USP28: variants seen among roughly 807,000 people sequenced by gnomAD.
USP28 encodes the protein ubiquitin carboxyl-terminal hydrolase 28.
USP28 carries 113 observed loss-of-function variants against 145.0 expected under a neutral mutation model. The ratio of observed to expected loss-of-function variants is 0.78; its 90% CI spans 0.67 to 0.91. The LOEUF (loss-of-function observed/expected upper bound fraction) is 0.91. USP28 is among the 40% of genes least tolerant of loss of function. The probability of loss-of-function intolerance (pLI) is 0.00; values close to 1 mark genes in which losing one functional copy is unlikely to be tolerated. For missense variants in USP28, 1,201 were observed against 1,289.6 expected, an observed-to-expected ratio of 0.93 and a Z score of 1.05; for synonymous variants, 447 against 450.9, an observed-to-expected ratio of 0.99 and a Z score of 0.11.
chr11:113,810,737 C>A (rs376352019), intron 16 of USP28, among the ~76,000 whole-genome samples: 1 of 152,214 alleles, frequency 6.6e-6, no homozygotes, highest in East Asian at 1.9e-4. Context: ...TGCAGTGGCA[C>A]GATCTCAGCT....
At chr11:113,806,127 G>C (rs536086419) in intron 19 of USP28, among the ~76,000 whole-genome samples, 1 of 152,046 alleles carries the variant, frequency 6.6e-6, no homozygotes, top group South Asian at 2.1e-4. Context: ...TAGTAGAGAT[G>C]GGGGTCTCAC....
chr11:113,851,353 C>T (rs1946421949), intron 3 of USP28, among the ~76,000 whole-genome samples: 1 of 152,216 alleles, frequency 6.6e-6, no homozygotes. Flanking sequence ...GATCCACCTC[C>T]TTCTCTTTCC....
chr11:113,813,987 T>TA (rs762577719), intron 14 of USP28, 32 bp from the exon 15 acceptor site: 1 of 1,512,196 alleles, frequency 6.6e-7, no homozygotes, highest in South Asian at 1.2e-5. Context: ...AAAGCTTCAC[T>TA]AAAATGATCT....
At chr11:113,804,116 G>C (rs1713671) in intron 21 of USP28, among the ~76,000 whole-genome samples, 2 of 152,016 alleles carry the variant, frequency 1.3e-5, no homozygotes, top group Non-Finnish European at 2.9e-5. Flanking sequence ...TATTTCCTAC[G>C]AGCTTCGGAT....
intron 5 of USP28, among the ~76,000 whole-genome samples, chr11:113,840,096 TG>T (rs1330933475): frequency 1.3e-5 from 2 of 152,202 alleles, no homozygotes; most frequent in East Asian, 3.8e-4. Flanking sequence ...CAGGGTCAAA[TG>T]GTACTATAAT....
chr11:113,804,967 T>A, exon 20 of USP28: 1 of 1,614,178 alleles, frequency 6.2e-7, no homozygotes, highest in Non-Finnish European at 8.5e-7. Context: ...GACAAGGACA[T>A]GCTGAAGTCG....
At chr11:113,839,324 C>T (rs745919325) in intron 5 of USP28, among the ~76,000 whole-genome samples, 1 of 152,176 alleles carries the variant, frequency 6.6e-6, no homozygotes, top group Non-Finnish European at 1.5e-5. Context: ...GTGGCTCAGG[C>T]CTGTAATCCC....
At position 113,813,968 on chromosome 11, in the gene USP28, A is replaced by G. The variant is rs761761482; in HGVS notation, c.1673-13T>C. 5 of 1,589,048 alleles carry G rather than the reference A, an allele frequency of 3.1e-6. No homozygotes were observed. The highest frequency in any genetic ancestry group is 4.3e-6 in the Non-Finnish European group (5 of 1,167,356). On this transcript the variant is annotated splice_polypyrimidine_tract_variant and intron_variant, in intron 14 of 24. Transcript: ENST00000003302. ...CAAGTCTTTAAATCTGTTTGGAAAAAGAAAAACAAAAGCTTCACTAAAATG... is the reference window on the plus strand; with the variant it reads ...CAAGTCTTTAAATCTGTTTGGAAAAGGAAAAACAAAAGCTTCACTAAAATG...
intron 1 of USP28, among the ~76,000 whole-genome samples, chr11:113,855,124 C>T (rs1946906054): frequency 3.9e-5 from 6 of 152,228 alleles, no homozygotes. Context: ...TTAAAAAGTA[C>T]AGCTAAAGCT....
intron 1 of USP28, chr11:113,874,652 A>T: frequency 7.9e-7 from 1 of 1,272,840 alleles, no homozygotes; most frequent in Non-Finnish European, 1.0e-6. Flanking sequence ...GGTGGTGTTA[A>T]GTTATAACAT....
At chr11:113,861,402 G>C (rs1947682023) in intron 1 of USP28, among the ~76,000 whole-genome samples, 1 of 152,162 alleles carries the variant, frequency 6.6e-6, no homozygotes, top group East Asian at 1.9e-4. Flanking sequence ...GCAAATGTCA[G>C]TACATGATGA....
At chr11:113,815,305 G>A in exon 14 of USP28, 2 of 1,614,102 alleles carry the variant, frequency 1.2e-6, no homozygotes, top group South Asian at 1.1e-5. Flanking sequence ...AGATGTCAGT[G>A]GTTTAGACTT....
At chr11:113,809,239 T>C in exon 17 of USP28, 5 of 1,613,990 alleles carry the variant, frequency 3.1e-6, no homozygotes, top group Non-Finnish European at 3.4e-6. Context: ...TTGATCTGAT[T>C]CAGTTGGGGC....
At chr11:113,831,776 T>G in intron 8 of USP28, 144 bp downstream of exon 8, 1 of 582,704 alleles carries the variant, frequency 1.7e-6, no homozygotes, top group Non-Finnish European at 2.9e-6. Flanking sequence ...CAGGGATACA[T>G]GATGAGGACT....
intron 3 of USP28, among the ~76,000 whole-genome samples, chr11:113,845,130 A>AC (rs1176822784): frequency 2.0e-5 from 3 of 150,936 alleles, no homozygotes; most frequent in Admixed American, 6.6e-5. Context: ...AAAAAAAAAA[A>AC]AACAACAAAA....
chr11:113,802,009 T>A lies in USP28; in HGVS notation c.2863-331A>T, dbSNP rs76922048. Among the ~76,000 whole-genome samples the A allele has an allele frequency of 1.4e-4, 21 of 152,334 alleles. No individual in the cohort carries two copies. The East Asian group carries it at 3.9e-3, about 28-fold the overall frequency. ...ACTGGTTGTCTATCTCCTCTGAGCA[T>A]CAGAATCACCTGCAGAAGACACACT... On this transcript the variant is annotated intron_variant, in intron 23 of 24. Coordinates refer to ENST00000003302, the Ensembl canonical transcript of USP28.
At chr11:113,872,730 G>C (rs1470176224) in intron 1 of USP28, among the ~76,000 whole-genome samples, 1 of 152,176 alleles carries the variant, frequency 6.6e-6, no homozygotes, top group Non-Finnish European at 1.5e-5. Flanking sequence ...AAGAATGACA[G>C]GTTTATAAGA....
intron 2 of USP28, among the ~76,000 whole-genome samples, chr11:113,853,194 G>A (rs996881067): frequency 2.6e-5 from 4 of 151,280 alleles, no homozygotes; most frequent in Admixed American, 2.6e-4. Context: ...AGGCTGAGGT[G>A]GGAGGATCGC....
At chr11:113,800,266 A>G (rs1476668849) in intron 24 of USP28, among the ~76,000 whole-genome samples, 1 of 151,878 alleles carries the variant, frequency 6.6e-6, no homozygotes, top group Admixed American at 6.6e-5. Flanking sequence ...CAGCCTCCCA[A>G]AGCGCTGGGA....
Sources: gnomAD v4.1 joint callset for allele counts (sites outside exome capture counted in the v4.1 genomes callset) on GRCh38, gnomAD v4.1.1 for gene constraint, MANE v1.5 for transcripts, NCBI Gene and HGNC (gene_info 2026-07-23, HGNC 2026-07-21) for gene names.